Variants in GRM8 observed in about 807,000 individuals in gnomAD.
The protein encoded by GRM8 is glutamate metabotropic receptor 8, also known as metabotropic glutamate receptor 8.
GRM8 carries 47 observed loss-of-function variants against 87.2 expected under a neutral mutation model. The ratio of observed to expected loss-of-function variants is 0.54; its 90% CI spans 0.43 to 0.69. The LOEUF (loss-of-function observed/expected upper bound fraction) is 0.69. Among genes scored for constraint, GRM8 ranks in the 30% least tolerant of loss-of-function variants. The pLI is 0.00. For missense variants in GRM8, 1,019 were observed against 1,139.2 expected, an observed-to-expected ratio of 0.89 and a Z score of 1.52; for synonymous variants, 396 against 404.5, an observed-to-expected ratio of 0.98 and a Z score of 0.25.
intron 3 of GRM8, among the ~76,000 whole-genome samples, chr7:126,958,876 C>T (rs188335495): frequency 6.6e-6 from 1 of 152,336 alleles, no homozygotes; most frequent in Admixed American, 6.5e-5. Context: ...AATCAACACT[C>T]TACCCAGTTT....
At chr7:127,052,961 T>G (rs531422618) in intron 3 of GRM8, among the ~76,000 whole-genome samples, 1 of 152,320 alleles carries the variant, frequency 6.6e-6, no homozygotes, top group African/African-American at 2.4e-5. Context: ...TAATTTATTA[T>G]TTACTACAAA....
intron 3 of GRM8, among the ~76,000 whole-genome samples, chr7:126,964,559 A>T (rs1586613419): frequency 1.3e-5 from 2 of 152,194 alleles, no homozygotes; most frequent in Admixed American, 1.3e-4. Context: ...TATGAAAAAA[A>T]GCTCATCATC....
chr7:127,112,623 T>A (rs1235124717), intron 2 of GRM8, among the ~76,000 whole-genome samples: 1 of 152,244 alleles, frequency 6.6e-6, no homozygotes, highest in Non-Finnish European at 1.5e-5. Context: ...CCATTTCCAA[T>A]ATTCTCTTTT....
chr7:126,861,560 G>T lies in GRM8; in HGVS notation c.1156+40982C>A, dbSNP rs112748675. Reference sequence around the variant, plus strand: ...CTATAACTTCTCCCATATTTGGTACGGCCAGATATTTTCATTTTTTTTTCT... The same window carrying T: ...CTATAACTTCTCCCATATTTGGTACTGCCAGATATTTTCATTTTTTTTTCT... On this transcript the variant is annotated intron_variant, in intron 6 of 10. Transcript: ENST00000339582. Among the ~76,000 whole-genome samples, 1,173 of 151,622 alleles carry T rather than the reference G, an allele frequency of 7.7e-3. 18 individuals carry two copies. The highest frequency in any genetic ancestry group is 0.026 in the African/African-American group (1,086 of 41,368).
chr7:126,926,545 T>C (rs1805144911), intron 3 of GRM8, among the ~76,000 whole-genome samples: 1 of 152,238 alleles, frequency 6.6e-6, no homozygotes, highest in South Asian at 2.1e-4. Context: ...GTTGACATAC[T>C]GTATGTGGTC....
chr7:126,442,026 C>A (rs1253946862), intron 10 of GRM8, among the ~76,000 whole-genome samples: 1 of 151,710 alleles, frequency 6.6e-6, no homozygotes, highest in Non-Finnish European at 1.5e-5. Context: ...ATCATTGGGC[C>A]AGGTTACTGG....
chr7:127,022,228 C>T (rs1816347975), intron 3 of GRM8, among the ~76,000 whole-genome samples: 1 of 150,982 alleles, frequency 6.6e-6, no homozygotes, highest in Non-Finnish European at 1.5e-5. Context: ...TGTGTGGTAA[C>T]TGTCTGAACT....
chr7:127,038,618 G>A (rs1275912198), intron 3 of GRM8, among the ~76,000 whole-genome samples: 2 of 152,024 alleles, frequency 1.3e-5, no homozygotes, highest in African/African-American at 2.4e-5. Context: ...GTATATTCTT[G>A]TCAGTTAAAA....
intron 8 of GRM8, among the ~76,000 whole-genome samples, chr7:126,569,621 A>C (rs1296689747): frequency 6.6e-6 from 1 of 152,124 alleles, no homozygotes; most frequent in Non-Finnish European, 1.5e-5. Flanking sequence ...TTCTGTAGGA[A>C]CTGTTCATCA....
At chr7:127,206,302 CCT>C (rs1795909171) in intron 2 of GRM8, among the ~76,000 whole-genome samples, 1 of 152,086 alleles carries the variant, frequency 6.6e-6, no homozygotes. Flanking sequence ...GCGGTGAAGA[CCT>C]CTCTCAGAAC....
chr7:126,952,410 A>G (rs1194359099), intron 3 of GRM8, among the ~76,000 whole-genome samples: 1 of 152,040 alleles, frequency 6.6e-6, no homozygotes, highest in Non-Finnish European at 1.5e-5. Context: ...AGCAAACACC[A>G]TAATAACAAT....
intron 9 of GRM8, among the ~76,000 whole-genome samples, chr7:126,450,531 G>A (rs558687008): frequency 2.0e-5 from 3 of 151,758 alleles, no homozygotes; most frequent in Non-Finnish European, 4.4e-5. Context: ...CCTCATCTGC[G>A]TGTCTGCCAA....
intron 8 of GRM8, among the ~76,000 whole-genome samples, chr7:126,574,935 A>C (rs531189778): frequency 6.6e-6 from 1 of 152,194 alleles, no homozygotes; most frequent in Admixed American, 6.6e-5. Context: ...GTATAACATG[A>C]CTCACAGTCT....
At chr7:127,044,044 C>T in intron 3 of GRM8, among the ~76,000 whole-genome samples, 1 of 152,178 alleles carries the variant, frequency 6.6e-6, no homozygotes, top group East Asian at 1.9e-4. Flanking sequence ...ATCCCTTGCT[C>T]AGAAGGGAGA....
chr7:126,664,355 C>A (rs1805534974), intron 7 of GRM8, among the ~76,000 whole-genome samples: 1 of 152,040 alleles, frequency 6.6e-6, no homozygotes, highest in African/African-American at 2.4e-5. Flanking sequence ...AAGAACAAAG[C>A]CAGGGGCATT....
At chr7:127,118,844 A>G (rs529521174) in intron 2 of GRM8, among the ~76,000 whole-genome samples, 1 of 152,266 alleles carries the variant, frequency 6.6e-6, no homozygotes, top group East Asian at 1.9e-4. Context: ...CTCTGTTCAC[A>G]TCTACAACTC....
At position 126,445,970 on chromosome 7, in the gene GRM8, A is replaced by G. The variant is rs948512261; in HGVS notation, c.2677+156T>C. 3.5e-6 allele frequency: 3 copies of G among 845,308 alleles called. No individual in the cohort carries two copies. In the African/African-American group the frequency reaches 5.0e-5, roughly 14 times the overall value. The allele number at this position is 845,308 out of a possible 1,614,324, so 52.4% of individuals were successfully genotyped here. A position where few individuals can be genotyped will look rare whatever the true frequency, so the allele number is the denominator to read the frequency against. Reference sequence around the variant, plus strand: ...GCTCATCTTGAGACCATTTGCTTCGAATGGTTTTAAATGTGATGGTGTCAC... The same window carrying G: ...GCTCATCTTGAGACCATTTGCTTCGGATGGTTTTAAATGTGATGGTGTCAC... On this transcript the variant is annotated intron_variant, in intron 10 of 10. Coordinates refer to ENST00000339582, the MANE Select transcript of GRM8 (RefSeq NM_000845.3).
At chr7:126,831,607 C>G (rs948555809) in intron 6 of GRM8, among the ~76,000 whole-genome samples, 1 of 152,196 alleles carries the variant, frequency 6.6e-6, no homozygotes, top group East Asian at 1.9e-4. Flanking sequence ...GTCTGTCACC[C>G]CTTTCCTTGA....
intron 3 of GRM8, among the ~76,000 whole-genome samples, chr7:127,098,693 T>A (rs1212497763): frequency 6.6e-6 from 1 of 152,160 alleles, no homozygotes; most frequent in Non-Finnish European, 1.5e-5. Context: ...TCCCAACAAC[T>A]CTCTGGTCCC....
Sources: allele counts gnomAD v4.1 joint callset (sites outside exome capture counted in the v4.1 genomes callset), GRCh38; gene constraint gnomAD v4.1.1; transcripts MANE v1.5; gene names NCBI Gene and HGNC (gene_info 2026-07-23, HGNC 2026-07-21).